AKAP13: variants seen among roughly 807,000 people sequenced by gnomAD.
AKAP13 encodes the protein A-kinase anchor protein 13.
A neutral mutation model predicts 264.5 loss-of-function variants in AKAP13; 80 were observed. The ratio of observed to expected loss-of-function variants is 0.30; its 90% CI spans 0.25 to 0.36. The LOEUF is 0.36. Among genes scored for constraint, AKAP13 ranks in the 10% least tolerant of loss-of-function variants. AKAP13 has a pLI of 1.00. For missense variants in AKAP13, 3,712 were observed against 3,435.2 expected (o/e 1.08, Z -2.01); for synonymous variants, 1,380 against 1,250.2 (o/e 1.10, Z -2.19).
At chr15:85,534,601 A>G (rs1201504588) in intron 4 of AKAP13, 1 of 143,496 alleles carries the variant, frequency 7.0e-6, no homozygotes, top group African/African-American at 2.6e-5. Flanking sequence ...TGCCTAGCAA[A>G]TTTTTTTTTT....
intron 1 of AKAP13, among the ~76,000 whole-genome samples, chr15:85,485,396 C>A (rs1213073859): frequency 6.6e-6 from 1 of 152,170 alleles, no homozygotes; most frequent in East Asian, 1.9e-4. Flanking sequence ...AGTGAACATA[C>A]AATGGTTTTG....
At chr15:85,449,922 G>T (rs369557295) in intron 1 of AKAP13, among the ~76,000 whole-genome samples, 7 of 152,134 alleles carry the variant, frequency 4.6e-5, no homozygotes. Flanking sequence ...TCAAGATGAT[G>T]CTGGCCTCAT....
chr15:85,730,459 T>G (rs1331048841), intron 29 of AKAP13, 54 bp from the exon 30 acceptor site: 4 of 1,569,150 alleles, frequency 2.5e-6, no homozygotes, highest in Admixed American at 3.5e-5. Flanking sequence ...TCTTAGTCAT[T>G]CTCGTAATTA....
intron 5 of AKAP13, among the ~76,000 whole-genome samples, chr15:85,561,277 C>T (rs536470112): frequency 1.1e-4 from 16 of 152,056 alleles, no homozygotes; most frequent in African/African-American, 3.9e-4. Flanking sequence ...AGGCTGGTCT[C>T]GAACTCCTGA....
At position 85,581,454 on chromosome 15, in the gene AKAP13, T is replaced by C. The variant is rs746853300; in HGVS notation, c.3386T>C (p.Val1129Ala). 2 of 1,614,158 alleles carry C rather than the reference T, an allele frequency of 1.2e-6. No homozygotes were observed. Among genetic ancestry groups the C allele is most frequent in the South Asian group, 2.2e-5 (2 of 91,072 alleles). Residue 1129 changes from valine (V) to alanine (A), a missense_variant, in exon 7 of 37, where the codon GTT becomes GCT. Physicochemically the swap from Val to Ala is moderately conservative, Grantham distance 64. Coordinates refer to ENST00000394518, the MANE Select transcript of AKAP13 (RefSeq NM_007200.5). ...TTGTTGAGCCAAGAGAAGAATGCCGTTCTAGGTTTGCCAGTGGCTCTACAG... is the reference window on the plus strand; with the variant it reads ...TTGTTGAGCCAAGAGAAGAATGCCGCTCTAGGTTTGCCAGTGGCTCTACAG... ...NVLLSQEKNA[V>A]LGLPVALQDK...
At chr15:85,716,394 A>G (rs767075154) in intron 20 of AKAP13, among the ~76,000 whole-genome samples, 5 of 152,242 alleles carry the variant, frequency 3.3e-5, no homozygotes, top group Middle Eastern at 6.8e-3. Context: ...GTGCTGAGCC[A>G]ATTATTACTA....
chr15:85,434,087 C>G (rs2073150878), intron 1 of AKAP13, among the ~76,000 whole-genome samples: 1 of 57,932 alleles, frequency 1.7e-5, no homozygotes, highest in South Asian at 3.6e-4. Flanking sequence ...CTAGGGAGTG[C>G]CAGACGGCGC....
chr15:85,715,513 C>T lies in AKAP13; in HGVS notation c.5600-275C>T, dbSNP rs535944237. Among the ~76,000 whole-genome samples, 382 of 152,206 alleles carry T rather than the reference C, an allele frequency of 2.5e-3. 6 individuals carry two copies. In the South Asian group the frequency reaches 0.03, roughly 12 times the overall value. ...TCAATAGTTATCACCAAACTATCCT[C>T]CATGGAGTTTTTATACAAACTTACA... On this transcript the variant is annotated intron_variant, in intron 19 of 36. Coordinates refer to ENST00000394518, the MANE Select transcript of AKAP13 (RefSeq NM_007200.5).
intron 14 of AKAP13, among the ~76,000 whole-genome samples, chr15:85,679,177 G>A (rs1597029451): frequency 6.6e-6 from 1 of 151,850 alleles, no homozygotes; most frequent in South Asian, 2.1e-4. Context: ...GGAGGCGGAG[G>A]TTGCAGTGGC....
At chr15:85,481,150 T>G (rs2075339448) in intron 1 of AKAP13, 1 of 152,206 alleles carries the variant, frequency 6.6e-6, no homozygotes, top group African/African-American at 2.4e-5. Flanking sequence ...GCCATATAAC[T>G]TCATGCCTGA....
At chr15:85,689,585 A>G (rs187546252) in intron 16 of AKAP13, among the ~76,000 whole-genome samples, 144 of 152,328 alleles carry the variant, frequency 9.5e-4, no homozygotes, top group Non-Finnish European at 1.7e-3. Context: ...TCAGAAAATA[A>G]CTAGTCACCA....
chr15:85,689,247 A>C (rs989555640), intron 16 of AKAP13, among the ~76,000 whole-genome samples: 2 of 152,244 alleles, frequency 1.3e-5, no homozygotes, highest in Non-Finnish European at 2.9e-5. Context: ...TGTATAAAAA[A>C]GAGCTGTACC....
intron 1 of AKAP13, among the ~76,000 whole-genome samples, chr15:85,443,134 AC>A (rs1306348535): frequency 1.4e-5 from 2 of 146,384 alleles, no homozygotes; most frequent in Admixed American, 6.8e-5. Context: ...TTCTCCCCCC[AC>A]CCCCCAACAC....
chr15:85,649,044 A>G lies in AKAP13; in HGVS notation c.4374+3090A>G, dbSNP rs576693196. Among the ~76,000 whole-genome samples the G allele has an allele frequency of 3.3e-5, 5 of 152,320 alleles. No individual in the cohort carries two copies. The South Asian group carries it at 1.0e-3, about 32-fold the overall frequency. On this transcript the variant is annotated intron_variant, in intron 10 of 36. Coordinates refer to ENST00000394518, the MANE Select transcript of AKAP13 (RefSeq NM_007200.5). ...AGGCTTTGCAATAAATGTTTGCTCT[A>G]GCATTAATAAAACCAAGGGCTGACT...
chr15:85,534,124 C>T (rs2077318924), intron 4 of AKAP13: 1 of 445,200 alleles, frequency 2.2e-6, no homozygotes, highest in Admixed American at 3.9e-5. Flanking sequence ...ACGTCACCTT[C>T]CTGTGGGTCT....
chr15:85,740,277 G>A lies in AKAP13; in HGVS notation c.7608+5G>A, dbSNP rs752958678. The A allele has an allele frequency of 1.2e-6, 2 of 1,613,630 alleles. No homozygotes were observed. Among genetic ancestry groups the A allele is most frequent in the South Asian group, 2.2e-5 (2 of 91,048 alleles). On this transcript the variant is annotated splice_donor_5th_base_variant and intron_variant, in intron 34 of 36. Coordinates refer to ENST00000394518, the MANE Select transcript of AKAP13 (RefSeq NM_007200.5). ...GAGCTCCTCAGCGCTCTGCAGGTGCGTGCCTTCATCTTCCATCCCTGCGTT... is the reference window on the plus strand; with the variant it reads ...GAGCTCCTCAGCGCTCTGCAGGTGCATGCCTTCATCTTCCATCCCTGCGTT...
chr15:85,486,738 T>TC (rs2075561653), intron 2 of AKAP13, among the ~76,000 whole-genome samples: 1 of 117,024 alleles, frequency 8.5e-6, no homozygotes, highest in Non-Finnish European at 1.8e-5. Context: ...ATTGTTCAGT[T>TC]CTTTTTTTTT....
At position 85,658,581 on chromosome 15, in the gene AKAP13, A is replaced by C. The variant is rs1487961732; in HGVS notation, c.4790A>C (p.His1597Pro). 11 of 1,613,800 alleles carry C rather than the reference A, an allele frequency of 6.8e-6. No homozygotes were observed. Among genetic ancestry groups the C allele is most frequent in the Non-Finnish European group, 9.3e-6 (11 of 1,179,806 alleles). Reference sequence around the variant, plus strand: ...GATGTTGTCAGGAGACCTCCCATTCATAGGAGAAGGTACAGAGTTCATTAA... The same window carrying C: ...GATGTTGTCAGGAGACCTCCCATTCCTAGGAGAAGGTACAGAGTTCATTAA... ...LGDVVRRPPI[H>P]RRSFSLEGLT... is the part of the protein sequence containing the mutation. The change falls in exon 12 of 37, where the codon CAT becomes CCT. Residue 1597 changes from histidine to proline, a missense_variant. By Grantham distance (77) the His-to-Pro change is moderately conservative (BLOSUM62 -2). This residue lies in a region of AKAP13 where 2,759 missense variants were observed against 2,411.7 expected (regional missense o/e 1.14). Transcript: ENST00000394518.
chr15:85,600,186 T>G (rs922311340), intron 8 of AKAP13, among the ~76,000 whole-genome samples: 1 of 152,114 alleles, frequency 6.6e-6, no homozygotes, highest in Admixed American at 6.5e-5. Context: ...TGACCGACCA[T>G]GCACCAAAGC....
Sources: gnomAD v4.1 joint callset for allele counts (sites outside exome capture counted in the v4.1 genomes callset) on GRCh38, gnomAD v4.1.1 for gene constraint, gnomAD v4.1.1 regional missense constraint, MANE v1.5 for transcripts, NCBI Gene and HGNC (gene_info 2026-07-23, HGNC 2026-07-21) for gene names.